Variants in CFAP47 observed in about 807,000 individuals in gnomAD.
CFAP47 encodes cilia- and flagella-associated protein 47.
In CFAP47, 29 loss-of-function variants were observed where a neutral mutation model predicts 148.1. That is an observed-to-expected ratio of 0.20 (90% CI 0.15 to 0.27). CFAP47 has a LOEUF of 0.27. Ranked by LOEUF, CFAP47 falls within the 10% of genes least tolerant of loss-of-function variation. The pLI is 1.00. For synonymous variants in CFAP47, 664 were observed against 577.3 expected (o/e 1.15, Z -2.15); for missense variants, 1,872 against 1,697.5 (o/e 1.10, Z -1.81).
rs1209274928 is a variant in CFAP47 at position 36,338,035 on chromosome X, ATTTT to A, written c.8444-10072_8444-10069del. On this transcript the variant is annotated intron_variant, in intron 57 of 63. Transcript: ENST00000378653. ...CAGGCGCCCGCCACTACGCCTGGCTATTTTTTTTTTTTTTTTTTTTTTTTTGTAT... is the reference window on the plus strand; with the variant it reads ...CAGGCGCCCGCCACTACGCCTGGCTATTTTTTTTTTTTTTTTTTTTTGTAT... Among the ~76,000 whole-genome samples, 5 of 46,570 alleles carry A rather than the reference ATTTT, an allele frequency of 1.1e-4. No homozygotes were observed. In the East Asian group the frequency reaches 1.9e-3, roughly 18 times the overall value. 40.4% of individuals were successfully genotyped at this position (46,570 alleles called of 115,157 possible).
chrX:36,038,359 C>T (rs1937362853), intron 24 of CFAP47, among the ~76,000 whole-genome samples: 1 of 112,088 alleles, frequency 8.9e-6, no homozygotes, highest in African/African-American at 3.2e-5. Context: ...GGGTATTGAT[C>T]ACTCTCTGTG....
intron 23 of CFAP47, among the ~76,000 whole-genome samples, chrX:36,034,014 A>G (rs1937311234): frequency 9.0e-6 from 1 of 111,401 alleles, no homozygotes; most frequent in African/African-American, 3.3e-5. Context: ...CATTAGTACA[A>G]CATTATTGAC....
At chrX:35,945,588 C>A (rs1280379163) in intron 3 of CFAP47, among the ~76,000 whole-genome samples, 1 of 111,435 alleles carries the variant, frequency 9.0e-6, no homozygotes, top group Non-Finnish European at 1.9e-5. Flanking sequence ...TTCAACACCT[C>A]TCTCTTTTTC....
chrX:36,062,801 G>A (rs1018349972), intron 26 of CFAP47, among the ~76,000 whole-genome samples: 1 of 110,964 alleles, frequency 9.0e-6, no homozygotes, highest in African/African-American at 3.3e-5. Flanking sequence ...GGTGATGGTT[G>A]CCCAACTCTG....
chrX:36,149,207 G>T lies in CFAP47; in HGVS notation c.5770G>T (p.Val1924Leu), dbSNP rs768298097. ...DFSLSQKGNV[V>L]TISPRNEINV... ...CTCCCTTTCCCAAAAAGGGAATGTT[G>T]TGACAATTTCTCCAAGGTAAGTATT... The change falls in exon 37 of 64, where the codon GTG becomes TTG. Residue 1924 changes from valine to leucine, a missense_variant. Physicochemically the swap from Val to Leu is conservative, Grantham distance 32 (BLOSUM62 1). Coordinates refer to ENST00000378653, the MANE Select transcript of CFAP47 (RefSeq NM_001304548.2). 3.7e-5 allele frequency: 11 copies of T among 293,506 alleles called. No individual in the cohort carries two copies. In the East Asian group the frequency reaches 5.3e-4, roughly 14 times the overall value. The allele number at this position is 293,506 out of a possible 1,213,427, so 24.2% of individuals were successfully genotyped here. A position where few individuals can be genotyped will look rare whatever the true frequency, so the allele number is the denominator to read the frequency against.
At chrX:36,237,587 C>G (rs1363078341) in intron 48 of CFAP47, among the ~76,000 whole-genome samples, 1 of 112,065 alleles carries the variant, frequency 8.9e-6, no homozygotes, top group Non-Finnish European at 1.9e-5. Context: ...ACCTTGGCCT[C>G]CCAAAGTGCT....
At chrX:36,183,345 G>T (rs1345099634) in intron 40 of CFAP47, among the ~76,000 whole-genome samples, 1 of 110,877 alleles carries the variant, frequency 9.0e-6, no homozygotes, top group South Asian at 3.9e-4. Flanking sequence ...GAAGAAAGGG[G>T]CCTCCTTCAC....
At chrX:36,159,134 A>G (rs1419617144) in intron 37 of CFAP47, among the ~76,000 whole-genome samples, 1 of 112,059 alleles carries the variant, frequency 8.9e-6, no homozygotes, top group Non-Finnish European at 1.9e-5. Flanking sequence ...GTAGCACAGA[A>G]TGTCCTATGA....
chrX:36,372,936 A>T (rs1410881349), intron 62 of CFAP47, among the ~76,000 whole-genome samples: 1 of 111,553 alleles, frequency 9.0e-6, no homozygotes, highest in Non-Finnish European at 1.9e-5. Context: ...GTCTGCTTTT[A>T]TGACAGTAAT....
chrX:36,056,760 T>G (rs956779453), intron 26 of CFAP47, among the ~76,000 whole-genome samples: 11 of 112,376 alleles, frequency 9.8e-5, no homozygotes, highest in Admixed American at 1.9e-4. Flanking sequence ...CTTTCTCAGC[T>G]GAAGAGTGCC....
At chrX:36,000,449 G>A (rs1300454132) in intron 20 of CFAP47, 22 bp downstream of exon 20, 4 of 285,623 alleles carry the variant, frequency 1.4e-5, no homozygotes, top group East Asian at 4.9e-5. Context: ...GTATATAATG[G>A]TATTACTGTA....
chrX:36,346,885 C>A, intron 57 of CFAP47, among the ~76,000 whole-genome samples: 1 of 111,972 alleles, frequency 8.9e-6, no homozygotes, highest in East Asian at 2.8e-4. Flanking sequence ...TGGGCAAAGA[C>A]TTCATGCCTA....
intron 13 of CFAP47, among the ~76,000 whole-genome samples, chrX:35,973,005 ACTTTCTGT>A (rs1167647517): frequency 1.8e-5 from 2 of 112,009 alleles, no homozygotes; most frequent in Non-Finnish European, 3.8e-5. Flanking sequence ...CAGCACTGTT[ACTTTCTGT>A]CTTTTTGATT....
intron 47 of CFAP47, 34 bp from the exon 48 acceptor site, chrX:36,236,652 C>T: frequency 3.9e-6 from 2 of 516,747 alleles, no homozygotes; most frequent in Non-Finnish European, 7.1e-6. Context: ...ATCTATGACT[C>T]CTATAGACCT....
intron 57 of CFAP47, among the ~76,000 whole-genome samples, chrX:36,329,918 A>C (rs781854015): frequency 8.9e-6 from 1 of 112,037 alleles, no homozygotes; most frequent in Non-Finnish European, 1.9e-5. Context: ...AGCACAGATA[A>C]ATTAAGAGCA....
rs112355307 is a variant in CFAP47 at position 36,075,031 on chromosome X, G to A, written c.4691+1667G>A. The stretch of plus-strand genomic sequence containing the variant: ...CATTCATCTGTTGATTGACACTTAG[G>A]TTGATTCCATATCTTGGCTATTGTG... On this transcript the variant is annotated intron_variant, in intron 29 of 63. Coordinates refer to ENST00000378653, the MANE Select transcript of CFAP47 (RefSeq NM_001304548.2). 9.6e-3 allele frequency among the ~76,000 whole-genome samples: 1,056 copies of A among 110,412 alleles called. 8 individuals carry two copies. The highest frequency in any genetic ancestry group is 0.033 in the African/African-American group (998 of 30,395).
intron 57 of CFAP47, among the ~76,000 whole-genome samples, chrX:36,336,469 A>G (rs2146975619): frequency 9.0e-6 from 1 of 110,981 alleles, no homozygotes; most frequent in East Asian, 2.8e-4. Context: ...CTAACTCGTC[A>G]CCCATCAGGG....
chrX:36,176,657 G>A (rs1939685415), intron 39 of CFAP47, among the ~76,000 whole-genome samples: 1 of 112,517 alleles, frequency 8.9e-6, no homozygotes, highest in Non-Finnish European at 1.9e-5. Flanking sequence ...TGTAATCCCA[G>A]CACTTTGGGA....
chrX:36,177,724 AC>A (rs1291551778), intron 39 of CFAP47, among the ~76,000 whole-genome samples: 53 of 112,451 alleles, frequency 4.7e-4, no homozygotes, highest in African/African-American at 1.7e-3. Flanking sequence ...AAACAATAGT[AC>A]AGAATCTGAT....
Sources: gnomAD v4.1 joint callset for allele counts (sites outside exome capture counted in the v4.1 genomes callset) on GRCh38, gnomAD v4.1.1 for gene constraint, MANE v1.5 for transcripts, NCBI Gene and HGNC (gene_info 2026-07-23, HGNC 2026-07-21) for gene names.